Variants in MSANTD1 observed in about 807,000 individuals in gnomAD.
MSANTD1 encodes myb/SANT-like DNA-binding domain-containing protein 1.
Under a neutral mutation model 24.2 loss-of-function variants are expected in MSANTD1, and 7 were observed. The observed-to-expected ratio is 0.29, with a 90% CI of 0.16 to 0.54. MSANTD1 has a LOEUF of 0.54. Ranked by LOEUF, MSANTD1 falls within the 20% of genes least tolerant of loss-of-function variation. The probability of loss-of-function intolerance (pLI) is 0.94; values close to 1 mark genes in which losing one functional copy is unlikely to be tolerated. For missense variants in MSANTD1, 384 were observed against 408.2 expected (o/e 0.94, Z 0.51); for synonymous variants, 177 against 181.1 (o/e 0.98, Z 0.18).
rs201180016 is a variant in MSANTD1 at position 3,249,559 on chromosome 4, T to C, written c.320+17T>C. On this transcript the variant is annotated intron_variant, in intron 1 of 2. Transcript: ENST00000438480. ...CCAGTACAGGTGGGCGAGCGGGCAG[T>C]GTGGGCCCCACCAGGACGGGCGGGC... 8.6e-5 allele frequency: 138 copies of C among 1,598,310 alleles called. 1 individual carries two copies. The East Asian group carries it at 2.4e-3, about 28-fold the overall frequency.
In MSANTD1 at chr4:3,249,417, C is replaced by G. The variant is rs779299134; in HGVS notation, c.195C>G (p.Leu65=). 2.7e-5 allele frequency: 44 copies of G among 1,606,250 alleles called. No homozygotes were observed. The highest frequency in any genetic ancestry group is 3.4e-5 in the Non-Finnish European group (40 of 1,177,670). ...TCTGGGAGGAGTTCTTCGACGAGCT[C>G]AAGCAGACCAAGCGCAACGCCAAGG... ...MLVWEEFFDE[L]KQTKRNAKVY... Residue 65 remains leucine, a synonymous_variant, in exon 1 of 3, where the codon CTC becomes CTG. Coordinates refer to ENST00000438480, the MANE Select transcript of MSANTD1 (RefSeq NM_001042690.2).
At chr4:3,246,430 G>T (rs961526653), upstream of MSANTD1, among the ~76,000 whole-genome samples, 1 of 152,224 alleles carries the variant, frequency 6.6e-6, no homozygotes, top group Non-Finnish European at 1.5e-5. Context: ...CAGAAATGCT[G>T]AGCAGGATGA....
At chr4:3,249,048 A>G, upstream of MSANTD1, 1 of 525,880 alleles carries the variant, frequency 1.9e-6, no homozygotes, top group Non-Finnish European at 3.0e-6. Context: ...CTGTGCTTTC[A>G]GTTAAAAGGT....
chr4:3,253,577 C>T (rs1578635555), intron 2 of MSANTD1, 95 bp downstream of exon 2: 4 of 1,308,678 alleles, frequency 3.1e-6, no homozygotes, highest in Non-Finnish European at 3.9e-6. Context: ...GCGGCGGCGG[C>T]CACAGTGGTT....
Position 3,254,324 on chromosome 4 carries a change from G to A in MSANTD1, c.596+842G>A, listed in dbSNP as rs193196179. On this transcript the variant is annotated intron_variant, in intron 2 of 2. Coordinates refer to ENST00000438480, the MANE Select transcript of MSANTD1 (RefSeq NM_001042690.2). ...GAGGGTCCCTCTCATGCCGGGGGCC[G>A]CTGCTTGACTCAGGATTTCTCATTG... 7.2e-5 allele frequency among the ~76,000 whole-genome samples: 11 copies of A among 152,334 alleles called. 1 individual carries two copies. In the East Asian group the frequency reaches 9.7e-4, roughly 13 times the overall value.
At chr4:3,255,373 G>A (rs1170339126) in intron 2 of MSANTD1, among the ~76,000 whole-genome samples, 1 of 151,938 alleles carries the variant, frequency 6.6e-6, no homozygotes, top group African/African-American at 2.4e-5. Context: ...ACAGGCACCC[G>A]CCACAACGCC....
chr4:3,250,238 T>TG (rs539647762), intron 1 of MSANTD1, among the ~76,000 whole-genome samples: 39 of 152,192 alleles, frequency 2.6e-4, no homozygotes, highest in Non-Finnish European at 4.6e-4. Flanking sequence ...ACTCCCAGCG[T>TG]GGGGGCTCCC....
In MSANTD1 at chr4:3,249,441, G is replaced by A; in HGVS notation, c.219G>A (p.Lys73=). The A allele has an allele frequency of 1.2e-6, 2 of 1,610,786 alleles. No individual in the cohort carries two copies. The highest frequency in any genetic ancestry group is 2.2e-5 in the South Asian group (2 of 90,206). The change falls in exon 1 of 3, where the codon AAG becomes AAA. Residue 73 remains lysine (K), a synonymous_variant. Transcript: ENST00000438480. ...DELKQTKRNA[K]VYEKMASKLF... is the part of the protein sequence containing the mutation. ...TCAAGCAGACCAAGCGCAACGCCAA[G>A]GTGTACGAGAAGATGGCCAGCAAGC...
intron 1 of MSANTD1, among the ~76,000 whole-genome samples, chr4:3,251,233 G>A (rs1008763707): frequency 1.3e-5 from 2 of 152,252 alleles, no homozygotes; most frequent in African/African-American, 2.4e-5. Flanking sequence ...AGGTGGCCAC[G>A]ACTGTTCCAG....
chr4:3,254,253 CAGG>C (rs1274545602), intron 2 of MSANTD1, among the ~76,000 whole-genome samples: 1 of 152,228 alleles, frequency 6.6e-6, no homozygotes, highest in Non-Finnish European at 1.5e-5. Flanking sequence ...GTCTTTCTGA[CAGG>C]AGGTGTCAGA....
chr4:3,245,811 T>C (rs1461694638), upstream of MSANTD1, among the ~76,000 whole-genome samples: 1 of 152,158 alleles, frequency 6.6e-6, no homozygotes, highest in Non-Finnish European at 1.5e-5. Flanking sequence ...GGCCCGCCAG[T>C]GTGGCCGGCT....
In MSANTD1 at chr4:3,255,991, G is replaced by GCGGGC; in HGVS notation, c.*27_*28insGGGCC. ...GCCAGCAGGCGGCGGCGGCGGCGGG[G>GCGGGC]CCGGGCGGCTGGTGGTACTGCTCAG... On this transcript the variant is annotated 3_prime_UTR_variant, in exon 3 of 3. Transcript: ENST00000438480. 6.7e-7 allele frequency: 1 copy of GCGGGC among 1,485,256 alleles called. No homozygotes were observed. The highest frequency in any genetic ancestry group is 2.5e-5 in the East Asian group (1 of 40,004). The allele number at this position is 1,485,256 out of a possible 1,614,324, so 92.0% of individuals were successfully genotyped here. A position where few individuals can be genotyped will look rare whatever the true frequency, so the allele number is the denominator to read the frequency against.
Position 3,253,811 on chromosome 4 carries a change from A to G in MSANTD1, c.596+329A>G, listed in dbSNP as rs141722648. Among the ~76,000 whole-genome samples the G allele has an allele frequency of 3.9e-3, 600 of 152,334 alleles. 2 individuals carry two copies. The highest frequency in any genetic ancestry group is 7.5e-3 in the South Asian group (36 of 4,830). On this transcript the variant is annotated intron_variant, in intron 2 of 2. Coordinates refer to ENST00000438480, the MANE Select transcript of MSANTD1 (RefSeq NM_001042690.2). ...GGGAGCATCACAGGAGAGAAGACGC[A>G]GCATGGGGCCCGGCACACGGAGGGA...
upstream of MSANTD1, chr4:3,246,506 T>G (rs1211107045): frequency 5.5e-6 from 3 of 541,698 alleles, no homozygotes; most frequent in African/African-American, 5.9e-5. Flanking sequence ...GCTTCTAGCC[T>G]GAGCCCAGCA....
At position 3,256,091 on chromosome 4, in the gene MSANTD1, C is replaced by G; in HGVS notation, c.*126C>G. ...CGAGCGGAGACCGCCTTCCACCTGG[C>G]CTCTGGCAGGATGTCCCTTCTGAGG... On this transcript the variant is annotated 3_prime_UTR_variant, in exon 3 of 3. Coordinates refer to ENST00000438480, the MANE Select transcript of MSANTD1 (RefSeq NM_001042690.2). 8.1e-7 allele frequency: 1 copy of G among 1,227,786 alleles called. No individual in the cohort carries two copies. Among genetic ancestry groups the G allele is most frequent in the Non-Finnish European group, 1.1e-6 (1 of 931,582 alleles). 76.1% of individuals were successfully genotyped at this position (1,227,786 alleles called of 1,614,324 possible). A position where few individuals can be genotyped will look rare whatever the true frequency, so the allele number is the denominator to read the frequency against.
chr4:3,246,528 A>G, upstream of MSANTD1: 1 of 553,446 alleles, frequency 1.8e-6, no homozygotes, highest in South Asian at 2.3e-5. Flanking sequence ...GGCCCCGCCC[A>G]TGTCCCAGGT....
rs1722281633 is a variant in MSANTD1 at position 3,253,191 on chromosome 4, G to A, written c.321-16G>A. ...GCTCTGTTTCTCACCCTTGGCTCTT[G>A]TGTCTCTCGTTTCAGGAAATTAAAA... On this transcript the variant is annotated splice_polypyrimidine_tract_variant and intron_variant, in intron 1 of 2. Coordinates refer to ENST00000438480, the MANE Select transcript of MSANTD1 (RefSeq NM_001042690.2). The A allele has an allele frequency of 2.6e-6, 4 of 1,528,156 alleles. No homozygotes were observed. The highest frequency in any genetic ancestry group is 3.5e-6 in the Non-Finnish European group (4 of 1,130,736). 94.7% of individuals were successfully genotyped at this position (1,528,156 alleles called of 1,614,324 possible). A position where few individuals can be genotyped will look rare whatever the true frequency, so the allele number is the denominator to read the frequency against.
intron 1 of MSANTD1, among the ~76,000 whole-genome samples, chr4:3,250,449 ATGG>A (rs1722189583): frequency 6.6e-6 from 1 of 152,118 alleles, no homozygotes; most frequent in Non-Finnish European, 1.5e-5. Flanking sequence ...GGCAGGGGTC[ATGG>A]TGGGGTGAAG....
At chr4:3,246,456 C>A (rs536868322), upstream of MSANTD1, 1 of 449,096 alleles carries the variant, frequency 2.2e-6, no homozygotes, top group South Asian at 4.8e-5. Flanking sequence ...TAGTTGGGCC[C>A]AGCCTCATTA....
Sources: gnomAD v4.1 joint callset for allele counts (sites outside exome capture counted in the v4.1 genomes callset) on GRCh38, gnomAD v4.1.1 for gene constraint, MANE v1.5 for transcripts, NCBI Gene and HGNC (gene_info 2026-07-23, HGNC 2026-07-21) for gene names.